Variants in ROR2 observed in about 807,000 individuals in gnomAD.
The protein encoded by ROR2 is tyrosine-protein kinase transmembrane receptor ROR2.
Under a neutral mutation model 74.9 loss-of-function variants are expected in ROR2, and 33 were observed. That is an observed-to-expected ratio of 0.44 (90% CI 0.33 to 0.59). ROR2 has a LOEUF of 0.59. ROR2 is among the 20% of genes least tolerant of loss of function. ROR2 has a pLI of 0.02. For missense variants in ROR2, 1,216 were observed against 1,313.8 expected (o/e 0.93, Z 1.15); for synonymous variants, 586 against 558.7 (o/e 1.05, Z -0.69).
chr9:91,933,593 G>C (rs983099940), intron 1 of ROR2, among the ~76,000 whole-genome samples: 1 of 152,190 alleles, frequency 6.6e-6, no homozygotes, highest in African/African-American at 2.4e-5. Context: ...TACTAATACA[G>C]AAAGACTTAT....
At chr9:91,921,925 G>A (rs1487947318) in intron 1 of ROR2, among the ~76,000 whole-genome samples, 1 of 147,864 alleles carries the variant, frequency 6.8e-6, no homozygotes, top group Non-Finnish European at 1.5e-5. Flanking sequence ...AGGTGAGATT[G>A]GGCAAAGGAT....
intron 1 of ROR2, among the ~76,000 whole-genome samples, chr9:91,931,522 G>A (rs1305587484): frequency 6.6e-6 from 1 of 152,120 alleles, no homozygotes. Flanking sequence ...AAAAGTGTAA[G>A]TGAAGATACA....
intron 1 of ROR2, among the ~76,000 whole-genome samples, chr9:91,936,305 T>A (rs373634719): frequency 6.6e-6 from 1 of 152,322 alleles, no homozygotes; most frequent in East Asian, 1.9e-4. Context: ...CTCACAGCTC[T>A]GGAGGCCAGG....
chr9:91,883,900 C>T (rs1365385110), intron 1 of ROR2, among the ~76,000 whole-genome samples: 1 of 152,262 alleles, frequency 6.6e-6, no homozygotes, highest in South Asian at 2.1e-4. Flanking sequence ...TACCCAGGGC[C>T]CCTATCTAGC....
At chr9:91,736,765 G>A (rs972591462) in intron 5 of ROR2, among the ~76,000 whole-genome samples, 1 of 152,206 alleles carries the variant, frequency 6.6e-6, no homozygotes, top group African/African-American at 2.4e-5. Flanking sequence ...GAGAAGTTAA[G>A]TCCTAATGAG....
intron 4 of ROR2, among the ~76,000 whole-genome samples, chr9:91,747,051 T>C (rs1241082976): frequency 6.6e-6 from 1 of 152,040 alleles, no homozygotes; most frequent in Admixed American, 6.6e-5. Flanking sequence ...CCTATACTCA[T>C]CTAAATGTGC....
In ROR2 at chr9:91,905,886, G is replaced by C. The variant is rs922825605; in HGVS notation, c.97+43981C>G. On this transcript the variant is annotated intron_variant, in intron 1 of 8. Transcript: ENST00000375708. This position sits in a 1 kb window ranked among gnomAD's most constrained non-coding sequence, Gnocchi z 5.3. ...TGGGGAATTCTTGATCCCAGTGGAA[G>C]ATTACATATTAAAGAAAATGCAGAA... 6.6e-6 allele frequency among the ~76,000 whole-genome samples: 1 copy of C among 151,866 alleles called. No individual in the cohort carries two copies. The highest frequency in any genetic ancestry group is 1.5e-5 in the Non-Finnish European group (1 of 67,990).
intron 1 of ROR2, among the ~76,000 whole-genome samples, chr9:91,858,418 C>T (rs1187549983): frequency 1.3e-5 from 2 of 152,192 alleles, no homozygotes; most frequent in South Asian, 2.1e-4. Flanking sequence ...CAGGCACACA[C>T]AGGCGCGCAC....
intron 1 of ROR2, among the ~76,000 whole-genome samples, chr9:91,875,406 T>C (rs1829928527): frequency 6.6e-6 from 1 of 152,246 alleles, no homozygotes; most frequent in East Asian, 1.9e-4. Flanking sequence ...AAGGAACTAA[T>C]TGTTTAATTT....
intron 1 of ROR2, among the ~76,000 whole-genome samples, chr9:91,811,441 C>T (rs1390917613): frequency 1.3e-5 from 2 of 152,234 alleles, no homozygotes; most frequent in Non-Finnish European, 2.9e-5. Flanking sequence ...CTGTGTTAAT[C>T]ATGCCTTTAT....
intron 1 of ROR2, among the ~76,000 whole-genome samples, chr9:91,911,933 CAAAAA>C (rs747087662): frequency 1.3e-5 from 1 of 76,394 alleles, no homozygotes; most frequent in Admixed American, 1.5e-4. Flanking sequence ...TGAGTCTAAG[CAAAAA>C]AAAAAAAAAA....
intron 1 of ROR2, among the ~76,000 whole-genome samples, chr9:91,911,256 A>C (rs1263019053): frequency 6.6e-6 from 1 of 152,210 alleles, no homozygotes; most frequent in Non-Finnish European, 1.5e-5. Context: ...CATTCTGAGA[A>C]ATGCGTCTTC....
At chr9:91,868,069 T>A (rs73517089) in intron 1 of ROR2, among the ~76,000 whole-genome samples, 4,710 of 152,200 alleles carry the variant, frequency 0.031, 189 homozygotes, top group Middle Eastern at 0.092. Flanking sequence ...GATGTTGGAA[T>A]TATCTGACAA....
chr9:91,737,099 G>A (rs1455264087), intron 5 of ROR2, among the ~76,000 whole-genome samples: 3 of 152,248 alleles, frequency 2.0e-5, no homozygotes, highest in African/African-American at 4.8e-5. Context: ...TGGCGTTGCA[G>A]TGAGGACAGT....
At chr9:91,754,215 A>G (rs984243266) in intron 4 of ROR2, among the ~76,000 whole-genome samples, 8 of 150,718 alleles carry the variant, frequency 5.3e-5, no homozygotes, top group African/African-American at 1.7e-4. Flanking sequence ...ATATATATTT[A>G]CAATTTGTAT....
chr9:91,769,353 T>G (rs528383276), intron 2 of ROR2, among the ~76,000 whole-genome samples: 99 of 152,214 alleles, frequency 6.5e-4, no homozygotes, highest in African/African-American at 2.2e-3. Flanking sequence ...TGCCCCACAA[T>G]GAGCATGGAG....
chr9:91,860,331 G>A (rs1473541058), intron 1 of ROR2, among the ~76,000 whole-genome samples: 1 of 152,162 alleles, frequency 6.6e-6, no homozygotes, highest in African/African-American at 2.4e-5. Context: ...ATGAATGGGG[G>A]ATCTCATGAG....
At chr9:91,726,162 A>G (rs1285831490) in intron 8 of ROR2, among the ~76,000 whole-genome samples, 1 of 152,202 alleles carries the variant, frequency 6.6e-6, no homozygotes, top group Non-Finnish European at 1.5e-5. Context: ...AAAACAAAGC[A>G]AAACCAACCC....
At chr9:91,839,793 C>A (rs571903964) in intron 1 of ROR2, among the ~76,000 whole-genome samples, 2 of 151,582 alleles carry the variant, frequency 1.3e-5, no homozygotes, top group African/African-American at 4.9e-5. Context: ...TGATGTGTCC[C>A]GGGGGAGCCT....
Sources: gnomAD v4.1 joint callset for allele counts (sites outside exome capture counted in the v4.1 genomes callset) on GRCh38, gnomAD v4.1.1 for gene constraint, Gnocchi (gnomAD v3.1) non-coding constraint, MANE v1.5 for transcripts, NCBI Gene and HGNC (gene_info 2026-07-23, HGNC 2026-07-21) for gene names.